The following SRRM3 variants were observed in gnomAD, a reference collection of about 807,000 sequenced individuals.
SRRM3 encodes serine/arginine repetitive matrix 3.
Under a neutral mutation model 66.2 loss-of-function variants are expected in SRRM3, and 27 were observed. The observed-to-expected ratio is 0.41, with a 90% CI of 0.30 to 0.56. The LOEUF (loss-of-function observed/expected upper bound fraction) is 0.56. SRRM3 is among the 20% of genes least tolerant of loss of function. The probability of loss-of-function intolerance (pLI) is 0.32; values close to 1 mark genes in which losing one functional copy is unlikely to be tolerated. For synonymous variants in SRRM3, 391 were observed against 414.9 expected (o/e 0.94, Z 0.70); for missense variants, 918 against 991.9 (o/e 0.93, Z 1.00).
At position 76,235,167 on chromosome 7, in the gene SRRM3, G is replaced by T. The variant is rs781798287; in HGVS notation, c.101G>T (p.Arg34Leu). ...QPSSSSGTWP[R>L]AEEELRAAEP... ...AGCTCCTCCTCGGGGACCTGGCCGC[G>T]GGCGGAAGAGGAGCTGCGCGCCGCG... Residue 34 changes from arginine (R) to leucine (L), a missense_variant, in exon 2 of 15, where the codon CGG becomes CTG. Coordinates refer to ENST00000611745, the MANE Select transcript of SRRM3 (RefSeq NM_001110199.3). 9.0e-6 allele frequency: 14 copies of T among 1,552,310 alleles called. No homozygotes were observed. The highest frequency in any genetic ancestry group is 2.4e-5 in the East Asian group (1 of 41,750).
chr7:76,262,405 C>T lies in SRRM3; in HGVS notation c.674+824C>T, dbSNP rs142180527. On this transcript the variant is annotated intron_variant, in intron 8 of 14. Coordinates refer to ENST00000611745, the MANE Select transcript of SRRM3 (RefSeq NM_001110199.3). Reference sequence around the variant, plus strand: ...CCTGTAATCCCAGCTACTCGAGAGGCTGAGGCAGGAGAATCACTTGAACCC... The same window carrying T: ...CCTGTAATCCCAGCTACTCGAGAGGTTGAGGCAGGAGAATCACTTGAACCC... 1.3e-3 allele frequency among the ~76,000 whole-genome samples: 197 copies of T among 150,920 alleles called. 9 individuals are homozygous for T. The South Asian group carries it at 0.037, about 28-fold the overall frequency.
At chr7:76,206,710 GC>G (rs1278527136) in intron 1 of SRRM3, among the ~76,000 whole-genome samples, 1 of 152,162 alleles carries the variant, frequency 6.6e-6, no homozygotes, top group Non-Finnish European at 1.5e-5. Context: ...GTGTACATTG[GC>G]TCCAGAGCAG....
rs1351208314 is a variant in SRRM3 at position 76,234,845 on chromosome 7, C to T, written c.-39-183C>T. 3 of 552,132 alleles carry T rather than the reference C, an allele frequency of 5.4e-6. No individual in the cohort carries two copies. The African/African-American group carries it at 6.0e-5, about 11-fold the overall frequency. The allele number at this position is 552,132 out of a possible 1,614,324, so 34.2% of individuals were successfully genotyped here. Reference sequence around the variant, plus strand: ...TGGAAAAAGCCCAGTGTCCAACCCACTCGTGCCCTGAGGTGTGACCCAAAG... The same window carrying T: ...TGGAAAAAGCCCAGTGTCCAACCCATTCGTGCCCTGAGGTGTGACCCAAAG... On this transcript the variant is annotated intron_variant, in intron 1 of 14. Transcript: ENST00000611745.
intron 3 of SRRM3, among the ~76,000 whole-genome samples, chr7:76,249,281 G>A (rs1801514226): frequency 1.3e-5 from 2 of 152,012 alleles, no homozygotes; most frequent in Non-Finnish European, 2.9e-5. Context: ...AGCTACTCAG[G>A]GAGCTGAGAC....
Position 76,282,803 on chromosome 7 carries a change from G to A in SRRM3, c.1526G>A (p.Arg509His), listed in dbSNP as rs1366460416. The change falls in exon 13 of 15, where the codon CGC becomes CAC. Residue 509 changes from arginine (R) to histidine (H), a missense_variant. Arg to His is a conservative substitution (Grantham distance 29). Transcript: ENST00000611745. ...WSSSRSPSKS[R>H]SRSAEKRPHS... ...TCCAGCCGCTCGCCCTCCAAATCTCGCTCGCGCTCTGCGGAGAAGCGGCCC... is the reference window on the plus strand; with the variant it reads ...TCCAGCCGCTCGCCCTCCAAATCTCACTCGCGCTCTGCGGAGAAGCGGCCC... The A allele has an allele frequency of 2.7e-6, 4 of 1,465,826 alleles. No homozygotes were observed. The highest frequency in any genetic ancestry group is 3.6e-6 in the Non-Finnish European group (4 of 1,114,846). 90.8% of individuals were successfully genotyped at this position (1,465,826 alleles called of 1,614,324 possible).
In SRRM3 at chr7:76,264,813, G is replaced by A. The variant is rs782474814; in HGVS notation, c.723G>A (p.Lys241=). Residue 241 remains lysine, a splice_region_variant and synonymous_variant, in exon 9 of 15, where the codon AAG becomes AAA. Coordinates refer to ENST00000611745, the MANE Select transcript of SRRM3 (RefSeq NM_001110199.3). ...CKRKEKNKEK[K]RPHTESPGRR... ...GAAAAGAGAAGAACAAAGAGAAGAAGAGGTAAGCGCCCTCCCTACTCTCCA... is the reference window on the plus strand; with the variant it reads ...GAAAAGAGAAGAACAAAGAGAAGAAAAGGTAAGCGCCCTCCCTACTCTCCA... The A allele has an allele frequency of 1.5e-5, 24 of 1,613,552 alleles. No homozygotes were observed. In the East Asian group the frequency reaches 3.1e-4, roughly 21 times the overall value.
At chr7:76,248,000 T>A (rs1399428483) in intron 2 of SRRM3, among the ~76,000 whole-genome samples, 188 bp from the exon 3 acceptor site, 1 of 152,174 alleles carries the variant, frequency 6.6e-6, no homozygotes, top group African/African-American at 2.4e-5. Flanking sequence ...TGGCCAGGCT[T>A]GTGTACAGTG....
At chr7:76,270,905 G>T (rs6956241) in intron 11 of SRRM3, among the ~76,000 whole-genome samples, 21,501 of 146,808 alleles carry the variant, frequency 0.15, 1,733 homozygotes, top group East Asian at 0.22. Context: ...AACCCAGGAG[G>T]CAGAGGTTGC....
chr7:76,281,088 C>T (rs1802486112), intron 11 of SRRM3, among the ~76,000 whole-genome samples: 1 of 150,134 alleles, frequency 6.7e-6, no homozygotes, highest in Non-Finnish European at 1.5e-5. Context: ...CTCTCTCCCT[C>T]TCACTCTGTC....
intron 1 of SRRM3, among the ~76,000 whole-genome samples, chr7:76,209,977 T>C (rs377259845): frequency 6.6e-6 from 1 of 152,194 alleles, no homozygotes; most frequent in East Asian, 1.9e-4. Context: ...ATGCTCAGGT[T>C]TGCACTTCAG....
chr7:76,262,669 A>T (rs551375717), intron 8 of SRRM3, among the ~76,000 whole-genome samples: 1 of 152,052 alleles, frequency 6.6e-6, no homozygotes, highest in South Asian at 2.1e-4. Context: ...TACAAAAATT[A>T]TCTGGGCATG....
intron 9 of SRRM3, among the ~76,000 whole-genome samples, 165 bp downstream of exon 9, chr7:76,264,980 C>A (rs542752571): frequency 1.3e-5 from 2 of 152,200 alleles, no homozygotes; most frequent in Admixed American, 1.3e-4. Context: ...TGAGTCAGAG[C>A]TTGAACCAAA....
chr7:76,227,998 T>C (rs1228526268), intron 1 of SRRM3, among the ~76,000 whole-genome samples: 2 of 152,144 alleles, frequency 1.3e-5, no homozygotes, highest in Non-Finnish European at 2.9e-5. Flanking sequence ...TCTTCCCAAG[T>C]AGCTGGGATT....
chr7:76,229,702 G>T (rs77644037), intron 1 of SRRM3, among the ~76,000 whole-genome samples: 1,938 of 150,870 alleles, frequency 0.013, 21 homozygotes, highest in East Asian at 0.037. Flanking sequence ...TCAGAATGTG[G>T]CACTTTTCAC....
At chr7:76,272,851 C>T (rs1802246300) in intron 11 of SRRM3, among the ~76,000 whole-genome samples, 1 of 152,112 alleles carries the variant, frequency 6.6e-6, no homozygotes, top group African/African-American at 2.4e-5. Flanking sequence ...ACCCCCTGAC[C>T]TGCCTTATAC....
chr7:76,232,599 G>A (rs1329655618), intron 1 of SRRM3, among the ~76,000 whole-genome samples: 2 of 151,970 alleles, frequency 1.3e-5, no homozygotes, highest in East Asian at 3.9e-4. Context: ...CTGGGAGGGT[G>A]ACACCAGCCA....
At position 76,250,045 on chromosome 7, in the gene SRRM3, A is replaced by AT. The variant is rs529533703; in HGVS notation, c.335+1761dup. 2.2e-4 allele frequency among the ~76,000 whole-genome samples: 20 copies of AT among 89,998 alleles called. No homozygotes were observed. The East Asian group carries it at 2.5e-3, about 11-fold the overall frequency. The allele number at this position is 89,998 out of a possible 152,430, so 59.0% of individuals were successfully genotyped here. On this transcript the variant is annotated intron_variant, in intron 3 of 14. Transcript: ENST00000611745. Reference sequence around the variant, plus strand: ...TCTTTATTTATTTATTTATTTATTTATTTTTATTTATTTTTTGACACAGGG... The same window carrying AT: ...TCTTTATTTATTTATTTATTTATTTATTTTTTATTTATTTTTTGACACAGGG...
chr7:76,285,954 A>G lies in SRRM3; in HGVS notation c.*111A>G, dbSNP rs1554612782. 73 of 1,225,540 alleles carry G rather than the reference A, an allele frequency of 6.0e-5. No individual in the cohort carries two copies. The highest frequency in any genetic ancestry group is 1.6e-5 in the South Asian group (1 of 63,950). The allele number at this position is 1,225,540 out of a possible 1,614,324, so 75.9% of individuals were successfully genotyped here. A position where few individuals can be genotyped will look rare whatever the true frequency, so the allele number is the denominator to read the frequency against. ...TCTCCTTGCCCCCAAGGCTACAAAG[A>G]GGTCTCAGGGCCAGTGCACGGGCAG... On this transcript the variant is annotated 3_prime_UTR_variant, in exon 15 of 15. Transcript: ENST00000611745. This position sits in a 1 kb window ranked among gnomAD's most constrained non-coding sequence, Gnocchi z 4.1.
chr7:76,267,225 G>T (rs374493862), intron 10 of SRRM3, 33 bp from the exon 11 acceptor site: 16 of 1,487,872 alleles, frequency 1.1e-5, no homozygotes, highest in Non-Finnish European at 1.2e-5. Flanking sequence ...GTCCCACGCC[G>T]ACTCCCCCAT....
Sources: gnomAD v4.1 joint callset for allele counts (sites outside exome capture counted in the v4.1 genomes callset) on GRCh38, gnomAD v4.1.1 for gene constraint, Gnocchi (gnomAD v3.1) non-coding constraint, MANE v1.5 for transcripts, NCBI Gene and HGNC (gene_info 2026-07-23, HGNC 2026-07-21) for gene names.